Variants in NYAP2 observed in about 807,000 individuals in gnomAD.
The protein encoded by NYAP2 is neuronal tyrosine-phosphorylated phosphoinositide-3-kinase adaptor 2.
In NYAP2, 23 loss-of-function variants were observed where a neutral mutation model predicts 50.4. That is an observed-to-expected ratio of 0.46 (90% confidence interval 0.33 to 0.65). The LOEUF (loss-of-function observed/expected upper bound fraction) is 0.65. Among genes scored for constraint, NYAP2 ranks in the 30% least tolerant of loss-of-function variants. The pLI, the probability that NYAP2 is intolerant of heterozygous loss-of-function variation, is 0.02. For missense variants in NYAP2, 885 were observed against 861.0 expected (o/e 1.03, Z -0.35); for synonymous variants, 394 against 365.2 (o/e 1.08, Z -0.90).
intron 4 of NYAP2, among the ~76,000 whole-genome samples, chr2:225,526,309 G>T (rs1691149595): frequency 2.0e-5 from 3 of 152,156 alleles, no homozygotes; most frequent in Admixed American, 2.0e-4. Flanking sequence ...ACTTAGCAAA[G>T]CACCTGGCTT....
At chr2:225,552,594 G>A (rs555974575) in intron 4 of NYAP2, among the ~76,000 whole-genome samples, 1 of 152,186 alleles carries the variant, frequency 6.6e-6, no homozygotes, top group African/African-American at 2.4e-5. Flanking sequence ...ACTGTGTGAG[G>A]ATACAAACCA....
At chr2:225,579,688 C>T (rs1002456499) in intron 4 of NYAP2, among the ~76,000 whole-genome samples, 1 of 152,142 alleles carries the variant, frequency 6.6e-6, no homozygotes, top group Non-Finnish European at 1.5e-5. Context: ...AATGCCGTGC[C>T]ATGCCCAGAT....
downstream of NYAP2, among the ~76,000 whole-genome samples, chr2:225,655,599 C>G (rs140027009): frequency 5.3e-4 from 80 of 152,248 alleles, 1 homozygote; most frequent in African/African-American, 1.9e-3. Context: ...TGTGAATGCT[C>G]TTAGACACAG....
At chr2:225,446,161 A>G (rs1280840719) in intron 3 of NYAP2, among the ~76,000 whole-genome samples, 1 of 149,942 alleles carries the variant, frequency 6.7e-6, no homozygotes, top group Non-Finnish European at 1.5e-5. Flanking sequence ...AGCCTGGGCA[A>G]CAGACTGAGA....
the NYAP2 span, among the ~76,000 whole-genome samples, chr2:225,693,932 T>C: frequency 6.6e-6 from 1 of 151,996 alleles, no homozygotes; most frequent in African/African-American, 2.4e-5. Context: ...GAGATTGAAA[T>C]TTCACCTCCT....
At chr2:225,523,214 C>T (rs1485206971) in intron 4 of NYAP2, among the ~76,000 whole-genome samples, 1 of 151,588 alleles carries the variant, frequency 6.6e-6, no homozygotes, top group Non-Finnish European at 1.5e-5. Flanking sequence ...CCTGGAAGTC[C>T]TCACAAGAGC....
At chr2:225,622,501 CTTTT>C (rs1559232780) in intron 5 of NYAP2, among the ~76,000 whole-genome samples, 89 of 21,968 alleles carry the variant, frequency 4.1e-3, no homozygotes, top group African/African-American at 0.01. Context: ...AATTTTATTT[CTTTT>C]CTTTCTTTCT....
intron 4 of NYAP2, among the ~76,000 whole-genome samples, chr2:225,571,858 T>C (rs1243371028): frequency 1.3e-5 from 2 of 152,236 alleles, no homozygotes. Flanking sequence ...TCTGTTGCAT[T>C]GTCAGGCTGC....
In NYAP2 at chr2:225,466,882, G is replaced by A. The variant is rs971160581; in HGVS notation, c.222-46489G>A. ...AGCTGAGGGGGGCATAAGGCAGAAGGAGAGGCCGAGGCAAGTTTTAGAGCA... is the reference window on the plus strand; with the variant it reads ...AGCTGAGGGGGGCATAAGGCAGAAGAAGAGGCCGAGGCAAGTTTTAGAGCA... On this transcript the variant is annotated intron_variant, in intron 3 of 6. Transcript: ENST00000636099. 5.3e-5 allele frequency among the ~76,000 whole-genome samples: 8 copies of A among 152,334 alleles called. No homozygotes were observed. In the South Asian group the frequency reaches 1.7e-3, roughly 32 times the overall value.
chr2:225,589,624 GT>G (rs904353273), intron 5 of NYAP2, among the ~76,000 whole-genome samples: 1 of 150,270 alleles, frequency 6.7e-6, no homozygotes, highest in African/African-American at 2.5e-5. Flanking sequence ...GAGTCTGGGA[GT>G]TTGAGTTTGC....
At chr2:225,679,937 A>C in the NYAP2 span, among the ~76,000 whole-genome samples, 1 of 152,110 alleles carries the variant, frequency 6.6e-6, no homozygotes, top group Non-Finnish European at 1.5e-5. Context: ...CCAGCTCTTG[A>C]GAGTTTCAGT....
chr2:225,582,749 G>A lies in NYAP2; in HGVS notation c.1332G>A (p.Arg444=). ...CTCCCTCCCCCGTCAGCATGGGGAG[G>A]TCCCTGACTCCCCTGAGCCTCAAAA... The change falls in exon 5 of 7, where the codon AGG becomes AGA. Residue 444 remains arginine, a synonymous_variant. Transcript: ENST00000636099. The surrounding 1 kb of genome is among the most constrained non-coding windows in gnomAD (Gnocchi z 7.0). 3 of 1,613,284 alleles carry A rather than the reference G, an allele frequency of 1.9e-6. No homozygotes were observed. The highest frequency in any genetic ancestry group is 3.3e-4 in the Middle Eastern group (2 of 6,062).
chr2:225,507,312 C>A (rs745893784), intron 3 of NYAP2, among the ~76,000 whole-genome samples: 2 of 152,186 alleles, frequency 1.3e-5, no homozygotes. Flanking sequence ...GATGATGTCT[C>A]ACCTCAGCAG....
intron 3 of NYAP2, among the ~76,000 whole-genome samples, chr2:225,415,526 G>A (rs540333229): frequency 3.5e-4 from 54 of 152,180 alleles, no homozygotes; most frequent in African/African-American, 1.2e-3. Flanking sequence ...AATGACTTCT[G>A]GGATCATACC....
intron 4 of NYAP2, among the ~76,000 whole-genome samples, chr2:225,569,918 C>T (rs1325319977): frequency 6.6e-6 from 1 of 152,156 alleles, no homozygotes; most frequent in East Asian, 1.9e-4. Flanking sequence ...GATACATTGT[C>T]TCCAATTCTT....
chr2:225,690,888 C>T, the NYAP2 span, among the ~76,000 whole-genome samples: 1 of 152,044 alleles, frequency 6.6e-6, no homozygotes, highest in African/African-American at 2.4e-5. Context: ...TTATCTTTTT[C>T]TGCCTTCTAT....
intron 5 of NYAP2, among the ~76,000 whole-genome samples, chr2:225,603,141 T>A (rs1015616196): frequency 3.3e-5 from 5 of 152,192 alleles, no homozygotes; most frequent in African/African-American, 1.2e-4. Context: ...GTCTTTTACT[T>A]CCTTGGTTAC....
intron 3 of NYAP2, among the ~76,000 whole-genome samples, chr2:225,427,779 G>C (rs1188074151): frequency 2.0e-5 from 3 of 152,092 alleles, no homozygotes; most frequent in Admixed American, 6.6e-5. Flanking sequence ...CCAAATAATG[G>C]CCAGATCTGG....
At chr2:225,450,704 T>C (rs1689635929) in intron 3 of NYAP2, among the ~76,000 whole-genome samples, 1 of 152,240 alleles carries the variant, frequency 6.6e-6, no homozygotes. Flanking sequence ...TGCCACATAG[T>C]AAATTGTCCA....
Sources: gnomAD v4.1 joint callset for allele counts (sites outside exome capture counted in the v4.1 genomes callset) on GRCh38, gnomAD v4.1.1 for gene constraint, Gnocchi (gnomAD v3.1) non-coding constraint, MANE v1.5 for transcripts, NCBI Gene and HGNC (gene_info 2026-07-23, HGNC 2026-07-21) for gene names.